Variants in ERC2 observed in about 807,000 individuals in gnomAD.
ERC2 encodes ELKS/RAB6-interacting/CAST family member 2.
ERC2 carries 42 observed loss-of-function variants against 114.8 expected under a neutral mutation model. The observed-to-expected ratio is 0.37, with a 90% CI of 0.29 to 0.47. The LOEUF (loss-of-function observed/expected upper bound fraction) is 0.47, where lower values mean the gene tolerates loss of function less well. ERC2 is among the 20% of genes least tolerant of loss of function. ERC2 has a pLI of 0.99. For missense variants in ERC2, 939 were observed against 1,150.7 expected (o/e 0.82, Z 2.66); for synonymous variants, 454 against 425.5 (o/e 1.07, Z -0.82).
At chr3:56,450,615 C>T (rs1461045691) in intron 1 of ERC2, among the ~76,000 whole-genome samples, 1 of 152,036 alleles carries the variant, frequency 6.6e-6, no homozygotes, top group Non-Finnish European at 1.5e-5. Context: ...TCACTTCAGG[C>T]CAGGAGTTTG....
intron 1 of ERC2, among the ~76,000 whole-genome samples, chr3:56,445,743 C>A (rs115422601): frequency 6.6e-6 from 1 of 152,128 alleles, no homozygotes; most frequent in Admixed American, 6.5e-5. Context: ...GCATCAAGTC[C>A]CTTCCTGTCT....
At chr3:55,799,011 T>G (rs2070755402) in intron 14 of ERC2, among the ~76,000 whole-genome samples, 1 of 152,148 alleles carries the variant, frequency 6.6e-6, no homozygotes, top group Non-Finnish European at 1.5e-5. Flanking sequence ...GAAGCGCATG[T>G]ACGTAAGAGG....
intron 13 of ERC2, among the ~76,000 whole-genome samples, chr3:55,910,402 CA>C (rs1157163862): frequency 2.0e-5 from 3 of 149,936 alleles, no homozygotes; most frequent in Non-Finnish European, 4.4e-5. Flanking sequence ...AACAAAAAAA[CA>C]AAAAAACAAA....
chr3:56,107,430 G>A (rs1002542022), intron 6 of ERC2, among the ~76,000 whole-genome samples: 4 of 151,884 alleles, frequency 2.6e-5, no homozygotes, highest in Non-Finnish European at 4.4e-5. Context: ...GGGGCTTTGG[G>A]TCCCAGTCTC....
At chr3:56,398,932 T>C (rs183597842) in intron 2 of ERC2, among the ~76,000 whole-genome samples, 1 of 152,190 alleles carries the variant, frequency 6.6e-6, no homozygotes, top group Non-Finnish European at 1.5e-5. Flanking sequence ...TCCTGTATTT[T>C]TATTTGCTAG....
chr3:56,192,040 C>T (rs543685616), intron 3 of ERC2, among the ~76,000 whole-genome samples: 1 of 152,292 alleles, frequency 6.6e-6, no homozygotes, highest in South Asian at 2.1e-4. Context: ...CAGTTGTTCC[C>T]ATTTTATAGG....
intron 2 of ERC2, among the ~76,000 whole-genome samples, chr3:56,297,757 G>A (rs1309953007): frequency 6.6e-6 from 1 of 152,192 alleles, no homozygotes; most frequent in Non-Finnish European, 1.5e-5. Context: ...AGTATTGTAA[G>A]GCATGGGGTA....
chr3:56,064,631 G>A (rs923312495), intron 7 of ERC2, among the ~76,000 whole-genome samples: 9 of 152,208 alleles, frequency 5.9e-5, no homozygotes, highest in Non-Finnish European at 1.0e-4. Context: ...CAGAAAGGAT[G>A]TCTGAGGCAA....
chr3:56,015,366 G>A (rs753602430), intron 8 of ERC2, among the ~76,000 whole-genome samples: 17 of 51,746 alleles, frequency 3.3e-4, no homozygotes, highest in Non-Finnish European at 4.3e-4. Flanking sequence ...TCCCTCCCCC[G>A]ACCCCTTCCA....
At chr3:55,928,464 A>AT (rs199669082) in intron 13 of ERC2, among the ~76,000 whole-genome samples, 1 of 151,936 alleles carries the variant, frequency 6.6e-6, no homozygotes, top group Admixed American at 6.6e-5. Context: ...GAATTATTCA[A>AT]TTTTTTTCTT....
At chr3:56,360,379 C>A (rs1266461705) in intron 2 of ERC2, among the ~76,000 whole-genome samples, 1 of 152,100 alleles carries the variant, frequency 6.6e-6, no homozygotes, top group South Asian at 2.1e-4. Context: ...TAGACTCTGG[C>A]AGGTGTGGGG....
At chr3:56,085,445 G>A (rs1454828083) in intron 6 of ERC2, among the ~76,000 whole-genome samples, 2 of 152,192 alleles carry the variant, frequency 1.3e-5, no homozygotes, top group African/African-American at 2.4e-5. Flanking sequence ...TCAAATAGCT[G>A]ATAGCTGTGC....
intron 14 of ERC2, among the ~76,000 whole-genome samples, chr3:55,886,125 C>T (rs1260404602): frequency 1.3e-5 from 2 of 152,108 alleles, no homozygotes; most frequent in African/African-American, 2.4e-5. Context: ...ACATAACACA[C>T]AGGGAGGAAG....
intron 13 of ERC2, among the ~76,000 whole-genome samples, chr3:55,936,374 A>G (rs371540871): frequency 6.6e-6 from 1 of 152,214 alleles, no homozygotes; most frequent in East Asian, 1.9e-4. Context: ...ATAGTCCTAC[A>G]TTCTAGGAGG....
chr3:56,276,926 T>C (rs1212945639), intron 3 of ERC2, among the ~76,000 whole-genome samples: 1 of 152,212 alleles, frequency 6.6e-6, no homozygotes, highest in Non-Finnish European at 1.5e-5. Context: ...CTGGGCCACA[T>C]GTGGCTTATG....
At chr3:55,962,539 T>G (rs886667362) in intron 12 of ERC2, among the ~76,000 whole-genome samples, 3 of 152,250 alleles carry the variant, frequency 2.0e-5, no homozygotes, top group African/African-American at 7.2e-5. Flanking sequence ...AACCCTGGTC[T>G]AGAACATGAG....
Position 56,249,855 on chromosome 3 carries a change from C to CTTT in ERC2, c.1074+46161_1074+46163dup, listed in dbSNP as rs34668162. Among the ~76,000 whole-genome samples the CTTT allele has an allele frequency of 4.2e-3, 477 of 112,736 alleles. 9 individuals are homozygous for CTTT. The highest frequency in any genetic ancestry group is 5.4e-3 in the African/African-American group (154 of 28,410). 74.0% of individuals were successfully genotyped at this position (112,736 alleles called of 152,430 possible). ...CACTCACAAAATCTGCATCAAATTTCTTTTTTTTTTTTTTTTTTTTGAGAC... is the reference window on the plus strand; with the variant it reads ...CACTCACAAAATCTGCATCAAATTTCTTTTTTTTTTTTTTTTTTTTTTTGAGAC... On this transcript the variant is annotated intron_variant, in intron 3 of 17. Transcript: ENST00000288221.
At chr3:56,366,180 A>G (rs2059143958) in intron 2 of ERC2, among the ~76,000 whole-genome samples, 1 of 152,174 alleles carries the variant, frequency 6.6e-6, no homozygotes, top group African/African-American at 2.4e-5. Flanking sequence ...CAGCTTCCTC[A>G]TGCCAGCAAC....
intron 7 of ERC2, among the ~76,000 whole-genome samples, chr3:56,054,860 T>C (rs1352225413): frequency 1.3e-5 from 2 of 152,228 alleles, no homozygotes; most frequent in African/African-American, 4.8e-5. Flanking sequence ...TCCATTTTTA[T>C]TAAGTCATTC....
Sources: allele counts gnomAD v4.1 joint callset (sites outside exome capture counted in the v4.1 genomes callset), GRCh38; gene constraint gnomAD v4.1.1; transcripts MANE v1.5; gene names NCBI Gene and HGNC (gene_info 2026-07-23, HGNC 2026-07-21).